Variants in ABCA12 observed in about 807,000 individuals in gnomAD.
The protein encoded by ABCA12 is glucosylceramide transporter ABCA12.
In ABCA12, 156 loss-of-function variants were observed where a neutral mutation model predicts 293.5. The observed-to-expected ratio is 0.53, with a 90% CI of 0.47 to 0.61. The LOEUF is 0.61. Ranked by LOEUF, ABCA12 falls within the 20% of genes least tolerant of loss-of-function variation. ABCA12 has a pLI of 0.00. For missense variants in ABCA12, 2,797 were observed against 3,090.2 expected, an observed-to-expected ratio of 0.91 and a Z score of 2.25; for synonymous variants, 1,063 against 1,108.0, an observed-to-expected ratio of 0.96 and a Z score of 0.81.
intron 30 of ABCA12, among the ~76,000 whole-genome samples, chr2:214,981,957 A>ATTT (rs1699670492): frequency 8.1e-6 from 1 of 123,952 alleles, no homozygotes; most frequent in African/African-American, 3.2e-5. Context: ...TATTATTATT[A>ATTT]TTATTATTAT....
At chr2:215,015,238 T>A (rs747212858) in intron 15 of ABCA12, among the ~76,000 whole-genome samples, 5 of 146,868 alleles carry the variant, frequency 3.4e-5, no homozygotes, top group Non-Finnish European at 7.4e-5. Context: ...ACAGTACATA[T>A]TAAATTTAAT....
chr2:215,112,489 T>G (rs1305707692), intron 1 of ABCA12, among the ~76,000 whole-genome samples: 1 of 18,726 alleles, frequency 5.3e-5, no homozygotes, highest in East Asian at 0.017. Context: ...TTTTTTTGTT[T>G]TTTTTTTGTT....
intron 2 of ABCA12, among the ~76,000 whole-genome samples, chr2:215,094,061 C>G (rs1196854656): frequency 6.6e-6 from 1 of 152,184 alleles, no homozygotes; most frequent in Non-Finnish European, 1.5e-5. Context: ...TACCTCTCAG[C>G]AAACTGAACT....
chr2:214,986,835 TA>T (rs1376205041), intron 27 of ABCA12, 107 bp from the exon 28 acceptor site: 9 of 1,000,970 alleles, frequency 9.0e-6, no homozygotes, highest in Non-Finnish European at 1.3e-5. Flanking sequence ...TATAACCCTC[TA>T]AGTAAAATAA....
chr2:214,981,312 C>A (rs1241390769), intron 30 of ABCA12, among the ~76,000 whole-genome samples: 3 of 152,004 alleles, frequency 2.0e-5, no homozygotes, highest in African/African-American at 7.3e-5. Context: ...TCTCTCTTCC[C>A]CTTTCTTCAT....
chr2:214,992,171 G>A (rs561353053), intron 23 of ABCA12, among the ~76,000 whole-genome samples: 3 of 152,016 alleles, frequency 2.0e-5, no homozygotes, highest in African/African-American at 7.2e-5. Context: ...GGCCGATCAC[G>A]GTGGCTCACG....
rs541072594 is a variant in ABCA12, at chr2:215,031,016, A to T, written c.1061+805T>A. Among the ~76,000 whole-genome samples the T allele has an allele frequency of 2.0e-5, 3 of 152,250 alleles. No individual in the cohort carries two copies. The South Asian group carries it at 6.2e-4, about 32-fold the overall frequency. Reference sequence around the variant, plus strand: ...AACAGGCAGGCCATCTCGTCTCTAAATTTGCCTTGAACTACAGAAATTTGC... The same window carrying T: ...AACAGGCAGGCCATCTCGTCTCTAATTTTGCCTTGAACTACAGAAATTTGC... On this transcript the variant is annotated intron_variant, in intron 9 of 52. Coordinates refer to ENST00000272895, the MANE Select transcript of ABCA12 (RefSeq NM_173076.3).
chr2:214,987,803 A>T lies in ABCA12; in HGVS notation c.3830-10T>A. The stretch of plus-strand genomic sequence containing the variant: ...GCCATACCGTATGTCCCTGGAATAA[A>T]AATATATCAGGAACAGTGAGTTTTA... On this transcript the variant is annotated splice_polypyrimidine_tract_variant and intron_variant, in intron 26 of 52. Transcript: ENST00000272895. The T allele has an allele frequency of 6.2e-7, 1 of 1,612,880 alleles. No homozygotes were observed. The highest frequency in any genetic ancestry group is 8.5e-7 in the Non-Finnish European group (1 of 1,179,398).
chr2:215,100,373 CT>C (rs953727242), intron 2 of ABCA12, among the ~76,000 whole-genome samples: 5 of 151,926 alleles, frequency 3.3e-5, no homozygotes, highest in Non-Finnish European at 5.9e-5. Flanking sequence ...TGCATATTCA[CT>C]TTTTTTTCTT....
chr2:215,059,397 T>C (rs1175553991), intron 3 of ABCA12, among the ~76,000 whole-genome samples: 1 of 152,068 alleles, frequency 6.6e-6, no homozygotes, highest in East Asian at 1.9e-4. Context: ...TCATATTTCA[T>C]CCTGACCCTC....
At chr2:215,063,754 A>G (rs1701582618) in intron 3 of ABCA12, among the ~76,000 whole-genome samples, 1 of 151,922 alleles carries the variant, frequency 6.6e-6, no homozygotes. Context: ...GCTTGTGATG[A>G]GTCTCAGGCA....
At chr2:215,072,635 T>C (rs1701759410) in intron 2 of ABCA12, among the ~76,000 whole-genome samples, 1 of 152,226 alleles carries the variant, frequency 6.6e-6, no homozygotes, top group South Asian at 2.1e-4. Flanking sequence ...CCAAAGATCA[T>C]GGCCTGGTCT....
At chr2:214,966,096 G>A (rs1699251425) in intron 39 of ABCA12, among the ~76,000 whole-genome samples, 1 of 152,182 alleles carries the variant, frequency 6.6e-6, no homozygotes. Context: ...GGAGATGGAT[G>A]GAGCTGGAAG....
chr2:214,976,045 A>C lies in ABCA12; in HGVS notation c.5129-8T>G. The C allele has an allele frequency of 6.2e-7, 1 of 1,614,026 alleles. No homozygotes were observed. The highest frequency in any genetic ancestry group is 8.5e-7 in the Non-Finnish European group (1 of 1,179,946). On this transcript the variant is annotated splice_polypyrimidine_tract_variant and splice_region_variant and intron_variant, in intron 33 of 52. Transcript: ENST00000272895. ...CTCTTGTCAGGATTTTGTCTGATTA[A>C]GAAAAAGAGATTGGATATGGTTCTG...
intron 30 of ABCA12, among the ~76,000 whole-genome samples, chr2:214,981,942 T>TTA (rs1553524771): frequency 7.8e-6 from 1 of 128,642 alleles, no homozygotes; most frequent in Non-Finnish European, 1.6e-5. Context: ...GTCAGCTGTT[T>TTA]TTATTATTAT....
At chr2:215,038,261 T>C (rs1205778301) in intron 7 of ABCA12, among the ~76,000 whole-genome samples, 2 of 152,210 alleles carry the variant, frequency 1.3e-5, no homozygotes, top group Non-Finnish European at 1.5e-5. Context: ...CTATAAAATC[T>C]ATTTATTTGT....
At chr2:215,096,480 T>C (rs1334878298) in intron 2 of ABCA12, among the ~76,000 whole-genome samples, 1 of 152,234 alleles carries the variant, frequency 6.6e-6, no homozygotes, top group East Asian at 1.9e-4. Context: ...ATAAGTTACA[T>C]GAAAGAAGTC....
rs150888407 is a variant in ABCA12, at chr2:215,113,927, C to A, written c.70-2237G>T. Among the ~76,000 whole-genome samples the A allele has an allele frequency of 5.7e-3, 867 of 152,240 alleles. 8 individuals are homozygous for A. Among genetic ancestry groups the A allele is most frequent in the African/African-American group, 0.02 (822 of 41,546 alleles). On this transcript the variant is annotated intron_variant, in intron 1 of 52. Coordinates refer to ENST00000272895, the MANE Select transcript of ABCA12 (RefSeq NM_173076.3). The stretch of plus-strand genomic sequence containing the variant: ...ATTAGTTATGAATTCACCACTAGAC[C>A]TTTTATTTAATACTACAATAAAGAG...
At chr2:215,028,012 G>A (rs16853160) in intron 9 of ABCA12, among the ~76,000 whole-genome samples, 4,721 of 152,234 alleles carry the variant, frequency 0.031, 235 homozygotes, top group African/African-American at 0.11. Context: ...CGCTTCAACT[G>A]TGAGGCTACA....
Sources: allele counts gnomAD v4.1 joint callset (sites outside exome capture counted in the v4.1 genomes callset), GRCh38; gene constraint gnomAD v4.1.1; transcripts MANE v1.5; gene names NCBI Gene and HGNC (gene_info 2026-07-23, HGNC 2026-07-21).